Variants in SYNE2 observed in about 807,000 individuals in gnomAD.
The protein encoded by SYNE2 is nesprin-2.
A neutral mutation model predicts 856.3 loss-of-function variants in SYNE2; 431 were observed. The observed-to-expected ratio is 0.50, with a 90% CI of 0.47 to 0.55. The LOEUF is 0.55. SYNE2 is among the 20% of genes least tolerant of loss of function. The pLI is 0.00. For missense variants in SYNE2, 8,129 were observed against 8,023.2 expected (o/e 1.01, Z -0.50); for synonymous variants, 2,923 against 2,872.3 (o/e 1.02, Z -0.56).
chr14:64,202,132 G>A, intron 99 of SYNE2: 1 of 698,700 alleles, frequency 1.4e-6, no homozygotes, highest in Non-Finnish European at 2.6e-6. Context: ...TGGCGAGGGA[G>A]ATCACATTTA....
intron 8 of SYNE2, 148 bp from the exon 9 acceptor site, chr14:63,961,377 G>A (rs1340933548): frequency 2.8e-6 from 2 of 703,262 alleles, no homozygotes; most frequent in Non-Finnish European, 5.1e-6. Flanking sequence ...GCAAGGCTGA[G>A]TAAACAGAGA....
chr14:63,767,013 A>T (rs969518443), intron 1 of SYNE2, among the ~76,000 whole-genome samples: 11 of 152,194 alleles, frequency 7.2e-5, no homozygotes, highest in African/African-American at 2.4e-4. Flanking sequence ...TATCAAGCAG[A>T]GTCAATAAAA....
chr14:63,837,956 G>GAATAGACT (rs1889917254), intron 1 of SYNE2, among the ~76,000 whole-genome samples: 1 of 141,380 alleles, frequency 7.1e-6, no homozygotes, highest in Non-Finnish European at 1.5e-5. Context: ...CAAAGTATCT[G>GAATAGACT]AATAGACTAG....
At chr14:63,989,840 G>T (rs1320902079) in intron 19 of SYNE2, among the ~76,000 whole-genome samples, 6 of 151,724 alleles carry the variant, frequency 4.0e-5, no homozygotes, top group Non-Finnish European at 8.8e-5. Context: ...AGTAGAGATG[G>T]GGTTTCACCA....
Position 64,206,677 on chromosome 14 carries a change from G to A in SYNE2, c.18202-2081G>A, listed in dbSNP as rs531196413. 7.3e-5 allele frequency among the ~76,000 whole-genome samples: 11 copies of A among 151,636 alleles called. 1 individual carries two copies. In the South Asian group the frequency reaches 2.3e-3, roughly 32 times the overall value. On this transcript the variant is annotated intron_variant, in intron 100 of 115. Transcript: ENST00000555002. ...GTTTTCTTTAGCCATTTGATTCAAT[G>A]TAAGCTGAATAAATAATGTAGGATA...
rs1267912273 is a variant in SYNE2, at chr14:63,997,011, T to G, written c.3005T>G (p.Leu1002Arg). 6.2e-7 allele frequency: 1 copy of G among 1,614,120 alleles called. No individual in the cohort carries two copies. The highest frequency in any genetic ancestry group is 1.7e-5 in the Admixed American group (1 of 60,006). Residue 1002 changes from leucine to arginine, a missense_variant, in exon 24 of 116, where the codon CTG becomes CGG. By Grantham distance (102) the Leu-to-Arg change is moderately radical. Around this residue, in one of 3 missense-constraint regions of SYNE2, gnomAD observed 2,422 missense variants for 2,357.4 expected, o/e 1.03. Transcript: ENST00000555002. ...LNHHMEVLRE[L>R]CEELPSQKSQ... is the part of the protein sequence containing the mutation. ...CACCACATGGAAGTCCTGAGGGAGC[T>G]GTGTGAAGAGCTGCCTTCACAGAAG...
rs2098715692 is a variant in SYNE2, at chr14:64,225,625, T to C, written c.*99T>C. ...TCTGAGTGACTTAGTGTTGGCAAGG[T>C]CCCGGGACCTGTGCAGACTTCTTCT... On this transcript the variant is annotated 3_prime_UTR_variant, in exon 116 of 116. Coordinates refer to ENST00000555002, the MANE Select transcript of SYNE2 (RefSeq NM_182914.3). 2.3e-6 allele frequency: 3 copies of C among 1,319,502 alleles called. No individual in the cohort carries two copies. Among genetic ancestry groups the C allele is most frequent in the Non-Finnish European group, 3.2e-6 (3 of 933,092 alleles). 81.7% of individuals were successfully genotyped at this position (1,319,502 alleles called of 1,614,324 possible). A position where few individuals can be genotyped will look rare whatever the true frequency, so the allele number is the denominator to read the frequency against.
At chr14:64,027,984 G>T (rs368971606) in intron 43 of SYNE2, among the ~76,000 whole-genome samples, 191 bp downstream of exon 43, 1 of 152,032 alleles carries the variant, frequency 6.6e-6, no homozygotes, top group African/African-American at 2.4e-5. Context: ...TCAGCTCACT[G>T]CAGTGTCAAC....
chr14:64,107,925 G>T (rs1489663584), intron 65 of SYNE2, among the ~76,000 whole-genome samples: 1 of 152,184 alleles, frequency 6.6e-6, no homozygotes, highest in East Asian at 1.9e-4. Flanking sequence ...GTAGAGAAGG[G>T]TTAATATTGA....
At chr14:64,020,818 G>A (rs970345042) in intron 35 of SYNE2, among the ~76,000 whole-genome samples, 2 of 152,164 alleles carry the variant, frequency 1.3e-5, no homozygotes, top group African/African-American at 4.8e-5. Flanking sequence ...GAATATGAGT[G>A]CTGGAGTTAA....
intron 99 of SYNE2, chr14:64,190,520 G>A (rs1448099276): frequency 1.5e-6 from 1 of 670,694 alleles, no homozygotes; most frequent in Non-Finnish European, 2.7e-6. Context: ...TCCTTGGGAG[G>A]GGGTATTGTT....
At chr14:63,818,914 G>A (rs1027644258) in intron 1 of SYNE2, among the ~76,000 whole-genome samples, 2 of 151,614 alleles carry the variant, frequency 1.3e-5, no homozygotes, top group African/African-American at 4.8e-5. Flanking sequence ...TAGCCAGGAT[G>A]GTCTCGATCT....
chr14:64,007,812 A>G (rs1461726336), intron 31 of SYNE2, among the ~76,000 whole-genome samples: 2 of 152,114 alleles, frequency 1.3e-5, no homozygotes, highest in Non-Finnish European at 1.5e-5. Context: ...GGAGTTCGAG[A>G]CCAGCCTGGC....
rs771458264 is a variant in SYNE2, at chr14:64,146,142, G to A, written c.15558G>A (p.Leu5186=). The A allele has an allele frequency of 1.9e-6, 3 of 1,611,636 alleles. No homozygotes were observed. The highest frequency in any genetic ancestry group is 2.2e-5 in the South Asian group (2 of 90,666). ...AAATACAGATCTTGAACAACTGGCT[G>A]GAAGCACAAGAAGAGAGACTGAAAA... ...ENKIQILNNW[L]EAQEERLKTL... Residue 5186 remains leucine (L), a synonymous_variant, in exon 84 of 116, where the codon CTG becomes CTA. Transcript: ENST00000555002.
intron 84 of SYNE2, among the ~76,000 whole-genome samples, chr14:64,147,755 A>C (rs1198436452): frequency 6.6e-6 from 1 of 152,224 alleles, no homozygotes; most frequent in African/African-American, 2.4e-5. Context: ...AGACATAGTA[A>C]TATTCCAGAA....
chr14:64,040,659 A>AAT lies in SYNE2; in HGVS notation c.7222-7332_7222-7331dup, dbSNP rs553572164. On this transcript the variant is annotated intron_variant, in intron 45 of 115. Transcript: ENST00000555002. ...ATATATTTTCTGAAATATTTTCAGA[A>AAT]ATATATATATGTGTATATATTTCTG... Among the ~76,000 whole-genome samples the AAT allele has an allele frequency of 4.3e-3, 631 of 147,674 alleles. 2 individuals are homozygous for AAT. Among genetic ancestry groups the AAT allele is most frequent in the Non-Finnish European group, 6.8e-3 (455 of 67,164 alleles).
At chr14:63,767,469 T>C (rs751379506) in intron 1 of SYNE2, among the ~76,000 whole-genome samples, 5 of 152,188 alleles carry the variant, frequency 3.3e-5, no homozygotes, top group Non-Finnish European at 5.9e-5. Context: ...TCTCATCTTA[T>C]GCAAAATCAT....
At chr14:64,077,858 A>G (rs2097480738) in intron 54 of SYNE2, among the ~76,000 whole-genome samples, 3 of 152,180 alleles carry the variant, frequency 2.0e-5, no homozygotes. Flanking sequence ...AAAAAAAATT[A>G]CGCTGTTCAG....
intron 1 of SYNE2, among the ~76,000 whole-genome samples, chr14:63,867,762 C>T: frequency 6.6e-6 from 1 of 151,066 alleles, no homozygotes; most frequent in African/African-American, 2.4e-5. Flanking sequence ...AGAAAGCAAG[C>T]CAGCCAGCCA....
Sources: allele counts gnomAD v4.1 joint callset (sites outside exome capture counted in the v4.1 genomes callset), GRCh38; gene constraint gnomAD v4.1.1; regional missense constraint gnomAD v4.1.1; transcripts MANE v1.5; gene names NCBI Gene and HGNC (gene_info 2026-07-23, HGNC 2026-07-21).